Variants in GRIK1 observed in about 807,000 individuals in gnomAD.
The protein encoded by GRIK1 is glutamate ionotropic receptor kainate type subunit 1.
A neutral mutation model predicts 105.7 loss-of-function variants in GRIK1; 69 were observed. That is an observed-to-expected ratio of 0.65 (90% confidence interval 0.54 to 0.80). GRIK1 has a LOEUF of 0.80. Among genes scored for constraint, GRIK1 ranks in the 30% least tolerant of loss-of-function variants. The pLI, the probability that GRIK1 is intolerant of heterozygous loss-of-function variation, is 0.00. For missense variants in GRIK1, 1,109 were observed against 1,167.3 expected, an observed-to-expected ratio of 0.95 and a Z score of 0.73; for synonymous variants, 438 against 431.3, an observed-to-expected ratio of 1.02 and a Z score of -0.19.
chr21:29,640,909 A>T (rs1420128973), intron 7 of GRIK1, among the ~76,000 whole-genome samples: 14 of 152,298 alleles, frequency 9.2e-5, no homozygotes, highest in Middle Eastern at 3.4e-3. Context: ...ATTTTGTTTC[A>T]TGCCTATTTG....
At chr21:29,773,159 T>C (rs1318051601) in intron 1 of GRIK1, among the ~76,000 whole-genome samples, 1 of 152,198 alleles carries the variant, frequency 6.6e-6, no homozygotes, top group Non-Finnish European at 1.5e-5. Flanking sequence ...GTATTAGTTA[T>C]ATAAAAACAA....
chr21:29,640,583 C>T (rs1354751775), intron 7 of GRIK1, among the ~76,000 whole-genome samples: 1 of 152,010 alleles, frequency 6.6e-6, no homozygotes, highest in Admixed American at 6.6e-5. Context: ...TCAGTGTGGT[C>T]CCTCATCTTG....
At chr21:29,724,461 T>C (rs1339328297) in intron 1 of GRIK1, among the ~76,000 whole-genome samples, 1 of 152,192 alleles carries the variant, frequency 6.6e-6, no homozygotes, top group Non-Finnish European at 1.5e-5. Flanking sequence ...TTCTAAAGCA[T>C]TGAGTGAAAA....
intron 1 of GRIK1, among the ~76,000 whole-genome samples, chr21:29,845,277 T>C (rs2068083245): frequency 3.3e-5 from 5 of 152,152 alleles, no homozygotes; most frequent in Admixed American, 2.6e-4. Context: ...ATGCCAAACG[T>C]CTTTTGCCAT....
At chr21:29,737,250 T>C (rs2064817346) in intron 1 of GRIK1, among the ~76,000 whole-genome samples, 1 of 152,200 alleles carries the variant, frequency 6.6e-6, no homozygotes, top group Admixed American at 6.5e-5. Flanking sequence ...GGCTCTAACA[T>C]TTCTGCTTGA....
chr21:29,863,467 A>G (rs900577909), intron 1 of GRIK1, among the ~76,000 whole-genome samples: 2 of 152,108 alleles, frequency 1.3e-5, no homozygotes, highest in Admixed American at 1.3e-4. Flanking sequence ...AGATTCCCAA[A>G]CCCCAGCTCA....
chr21:29,860,756 G>C (rs1601876246), intron 1 of GRIK1, among the ~76,000 whole-genome samples: 1 of 152,118 alleles, frequency 6.6e-6, no homozygotes, highest in African/African-American at 2.4e-5. Flanking sequence ...AGTGAAAGAA[G>C]CAGTGCAAAA....
At position 29,537,813 on chromosome 21, in the gene GRIK1, G is replaced by A. The variant is rs1400028073; in HGVS notation, c.2679C>T (p.Ser893=). The A allele has an allele frequency of 4.0e-6, 6 of 1,514,204 alleles. No homozygotes were observed. The highest frequency in any genetic ancestry group is 4.6e-6 in the Non-Finnish European group (5 of 1,090,840). The allele number at this position is 1,514,204 out of a possible 1,614,324, so 93.8% of individuals were successfully genotyped here. A position where few individuals can be genotyped will look rare whatever the true frequency, so the allele number is the denominator to read the frequency against. ...ATGAACAAACCTTCTCTACACCAAG[G>A]CTTTGTTTTTTTCTCCCATGAAACC... ...KVRFHGRKKQ[S]LGVEKCLSFN... Residue 893 remains serine (S), a synonymous_variant, in exon 17 of 18, where the codon AGC becomes AGT. Coordinates refer to ENST00000327783, the MANE Select transcript of GRIK1 (RefSeq NM_001330994.2).
chr21:29,908,460 C>T (rs529843747), intron 1 of GRIK1, among the ~76,000 whole-genome samples: 1 of 152,118 alleles, frequency 6.6e-6, no homozygotes, highest in African/African-American at 2.4e-5. Context: ...ATCTTCAGCA[C>T]GGTGGAAAGG....
intron 1 of GRIK1, among the ~76,000 whole-genome samples, chr21:29,783,494 T>G (rs901839546): frequency 1.1e-4 from 17 of 152,212 alleles, no homozygotes; most frequent in African/African-American, 4.1e-4. Flanking sequence ...TTCCTGTATT[T>G]TTAGTTTTAT....
At chr21:29,888,064 A>C in intron 1 of GRIK1, among the ~76,000 whole-genome samples, 1 of 151,390 alleles carries the variant, frequency 6.6e-6, no homozygotes, top group Non-Finnish European at 1.5e-5. Context: ...CAACAACCTC[A>C]AAGGACTAGG....
At chr21:29,553,216 T>C in intron 16 of GRIK1, 2 of 994,210 alleles carry the variant, frequency 2.0e-6, no homozygotes, top group Non-Finnish European at 2.4e-6. Flanking sequence ...CGTGTTTCCA[T>C]GCTTTGCCCT....
At chr21:29,830,787 C>T (rs1601804906) in intron 1 of GRIK1, among the ~76,000 whole-genome samples, 1 of 151,956 alleles carries the variant, frequency 6.6e-6, no homozygotes, top group Non-Finnish European at 1.5e-5. Flanking sequence ...AAATACTGAT[C>T]AGAACATGAT....
chr21:29,850,390 T>C (rs958320027), intron 1 of GRIK1, among the ~76,000 whole-genome samples: 43 of 152,168 alleles, frequency 2.8e-4, no homozygotes, highest in African/African-American at 9.7e-4. Flanking sequence ...CTGGGTGTTA[T>C]CCATTTCTAA....
chr21:29,852,087 T>C (rs2068324893), intron 1 of GRIK1, among the ~76,000 whole-genome samples: 1 of 151,778 alleles, frequency 6.6e-6, no homozygotes, highest in Non-Finnish European at 1.5e-5. Context: ...TCCATTCCCA[T>C]TGTCAGCACT....
At chr21:29,623,354 A>C (rs150278464) in intron 7 of GRIK1, among the ~76,000 whole-genome samples, 1,769 of 152,146 alleles carry the variant, frequency 0.012, 20 homozygotes, top group South Asian at 0.033. Flanking sequence ...GGAATTATGG[A>C]AACTATAATT....
intron 7 of GRIK1, among the ~76,000 whole-genome samples, chr21:29,638,024 C>CAAT (rs2062431759): frequency 6.6e-6 from 1 of 151,962 alleles, no homozygotes; most frequent in South Asian, 2.1e-4. Context: ...ATGATGACTC[C>CAAT]AATAATAATA....
At chr21:29,898,805 A>G (rs1020886234) in intron 1 of GRIK1, among the ~76,000 whole-genome samples, 1 of 152,208 alleles carries the variant, frequency 6.6e-6, no homozygotes, top group Non-Finnish European at 1.5e-5. Flanking sequence ...GAGTACACAA[A>G]TAAGTATTCA....
Position 29,588,893 on chromosome 21 carries a change from C to T in GRIK1, c.1515G>A (p.Gly505=). 6.2e-7 allele frequency: 1 copy of T among 1,610,536 alleles called. No homozygotes were observed. The highest frequency in any genetic ancestry group is 2.2e-5 in the East Asian group (1 of 44,838). The part of the protein sequence containing the change: ...DVKLVPDGKY[G]AQNDKGEWNG... ...TCCACTCCCCTTTGTCATTCTGGGC[C>T]CCATATTTGCCATCGGGAACTAGTT... Residue 505 remains glycine (G), a synonymous_variant, in exon 11 of 18, where the codon GGG becomes GGA. Coordinates refer to ENST00000327783, the MANE Select transcript of GRIK1 (RefSeq NM_001330994.2).
Sources: allele counts gnomAD v4.1 joint callset (sites outside exome capture counted in the v4.1 genomes callset), GRCh38; gene constraint gnomAD v4.1.1; transcripts MANE v1.5; gene names NCBI Gene and HGNC (gene_info 2026-07-23, HGNC 2026-07-21).